The following NIF3L1 variants were observed in gnomAD, a reference collection of about 807,000 sequenced individuals.
NIF3L1 encodes NIF3-like protein 1.
In NIF3L1, 26 loss-of-function variants were observed where a neutral mutation model predicts 35.0. The observed-to-expected ratio is 0.74, with a 90% confidence interval of 0.54 to 1.03. The LOEUF (loss-of-function observed/expected upper bound fraction) is 1.03. Among genes scored for constraint, NIF3L1 ranks in the 50% least tolerant of loss-of-function variants. The pLI, the probability that NIF3L1 is intolerant of heterozygous loss-of-function variation, is 0.00. For missense variants in NIF3L1, 449 were observed against 466.3 expected (o/e 0.96, Z 0.34); for synonymous variants, 157 against 178.9 (o/e 0.88, Z 0.98).
At chr2:200,891,202 G>A (rs1222195352) in intron 1 of NIF3L1, among the ~76,000 whole-genome samples, 1 of 151,998 alleles carries the variant, frequency 6.6e-6, no homozygotes, top group Non-Finnish European at 1.5e-5. Context: ...TGATCCTCCC[G>A]CCTCGGCCTC....
chr2:200,894,516 T>G (rs1243661516), intron 3 of NIF3L1, among the ~76,000 whole-genome samples: 1 of 151,848 alleles, frequency 6.6e-6, no homozygotes, highest in Non-Finnish European at 1.5e-5. Context: ...TTCTCCTGCC[T>G]CAGCCTCCCC....
In NIF3L1 at chr2:200,903,692, A is replaced by G. The variant is rs761482235; in HGVS notation, c.*14A>G. ...CAGGTGGTATAATTGCAGAAACATC[A>G]GGATAACACATTCTACAAATCAGCT... On this transcript the variant is annotated 3_prime_UTR_variant, in exon 7 of 7. Coordinates refer to ENST00000409020, the MANE Select transcript of NIF3L1 (RefSeq NM_001369441.2). 2 of 1,604,038 alleles carry G rather than the reference A, an allele frequency of 1.2e-6. No homozygotes were observed. Among genetic ancestry groups the G allele is most frequent in the Non-Finnish European group, 1.7e-6 (2 of 1,170,842 alleles).
intron 6 of NIF3L1, among the ~76,000 whole-genome samples, chr2:200,900,088 C>G (rs1412916598): frequency 6.6e-6 from 1 of 152,136 alleles, no homozygotes; most frequent in East Asian, 1.9e-4. Context: ...TCCTTGTACT[C>G]CTAGTGATAA....
intron 3 of NIF3L1, 138 bp from the exon 4 acceptor site, chr2:200,895,126 T>G: frequency 1.3e-6 from 1 of 786,650 alleles, no homozygotes; most frequent in South Asian, 1.8e-5. Flanking sequence ...TGGATTAGTT[T>G]CAGATTAAAT....
rs1290007611 is a variant in NIF3L1, at chr2:200,899,466, C to T, written c.947C>T (p.Thr316Ile). 1 of 1,612,700 alleles carries T rather than the reference C, an allele frequency of 6.2e-7. No homozygotes were observed. Among genetic ancestry groups the T allele is most frequent in the African/African-American group, 1.3e-5 (1 of 74,850 alleles). The change falls in exon 6 of 7, where the codon ACA becomes ATA. Residue 316 changes from threonine to isoleucine, a missense_variant and splice_region_variant. Transcript: ENST00000409020. ...LQGVEADLYL[T>I]GEMSHHDTLD... is the part of the protein sequence containing the mutation. ...GGTGTTGAGGCTGACCTTTACCTCACAGGTAGGACAGACTTTGGATCTCTC... is the reference window on the plus strand; with the variant it reads ...GGTGTTGAGGCTGACCTTTACCTCATAGGTAGGACAGACTTTGGATCTCTC...
At chr2:200,893,590 A>C (rs891034720) in intron 3 of NIF3L1, among the ~76,000 whole-genome samples, 182 bp downstream of exon 3, 2 of 152,212 alleles carry the variant, frequency 1.3e-5, no homozygotes, top group Non-Finnish European at 2.9e-5. Flanking sequence ...CAAAACAATA[A>C]AAACGGTAAG....
At chr2:200,890,699 C>T (rs2040164184) in intron 1 of NIF3L1, 1 of 152,144 alleles carries the variant, frequency 6.6e-6, no homozygotes, top group African/African-American at 2.4e-5. Flanking sequence ...CATTGCCCTC[C>T]CACCTTCCCT....
Position 200,903,796 on chromosome 2 carries a change from T to G in NIF3L1, c.*118T>G. 2 of 806,032 alleles carry G rather than the reference T, an allele frequency of 2.5e-6. No individual in the cohort carries two copies. The highest frequency in any genetic ancestry group is 5.1e-5 in the East Asian group (2 of 38,952). The allele number at this position is 806,032 out of a possible 1,614,324, so 49.9% of individuals were successfully genotyped here. A position where few individuals can be genotyped will look rare whatever the true frequency, so the allele number is the denominator to read the frequency against. On this transcript the variant is annotated 3_prime_UTR_variant, in exon 7 of 7. Coordinates refer to ENST00000409020, the MANE Select transcript of NIF3L1 (RefSeq NM_001369441.2). The stretch of plus-strand genomic sequence containing the variant: ...GAGTGTCTTCGAGGGTATCATCATT[T>G]CCGGTTTGTTAATCTTATTCACCAA...
chr2:200,891,980 G>A lies in NIF3L1; in HGVS notation c.37G>A (p.Val13Ile). 3 of 1,613,904 alleles carry A rather than the reference G, an allele frequency of 1.9e-6. No homozygotes were observed. Among genetic ancestry groups the A allele is most frequent in the Non-Finnish European group, 2.5e-6 (3 of 1,179,872 alleles). The change falls in exon 2 of 7, where the codon GTC (valine) becomes ATC (isoleucine). Residue 13 changes from valine (V) to isoleucine (I), a missense_variant. By Grantham distance (29) the Val-to-Ile change is conservative. Transcript: ENST00000409020. ...SSCVRPVPTT[V>I]RFVDSLICNS... ...TTGCGTACGCCCAGTCCCCACGACA[G>A]TCCGGTTTGTAGATTCCCTGATCTG...
chr2:200,902,291 G>C (rs2040420584), intron 6 of NIF3L1, among the ~76,000 whole-genome samples: 1 of 152,214 alleles, frequency 6.6e-6, no homozygotes, highest in South Asian at 2.1e-4. Context: ...TATTAGGCTG[G>C]ACATGGTGGC....
chr2:200,902,889 G>T (rs982218236), intron 6 of NIF3L1, among the ~76,000 whole-genome samples: 1 of 152,138 alleles, frequency 6.6e-6, no homozygotes, highest in Admixed American at 6.5e-5. Context: ...TCATTTTACC[G>T]TGGAAACACT....
intron 6 of NIF3L1, among the ~76,000 whole-genome samples, chr2:200,901,346 TTC>T (rs1405655375): frequency 6.6e-6 from 1 of 152,228 alleles, no homozygotes; most frequent in Non-Finnish European, 1.5e-5. Flanking sequence ...TGTTTTGTGC[TTC>T]TCTCTCAATT....
rs1195979504 is a variant in NIF3L1, at chr2:200,899,412, G to T, written c.893G>T (p.Cys298Phe). Residue 298 changes from cysteine (C) to phenylalanine (F), a missense_variant, in exon 6 of 7, where the codon TGT (cysteine) becomes TTT (phenylalanine). Coordinates refer to ENST00000409020, the MANE Select transcript of NIF3L1 (RefSeq NM_001369441.2). ...TCTCAAGTCAAAGTCGTGGCCCTGT[G>T]TGCTGGTTCTGGGAGCAGCGTTCTG... is the stretch of plus-strand genomic sequence containing the variant. ...LESQVKVVAL[C>F]AGSGSSVLQG... is the part of the protein sequence containing the mutation. The T allele has an allele frequency of 6.2e-7, 1 of 1,613,974 alleles. No individual in the cohort carries two copies. Among genetic ancestry groups the T allele is most frequent in the African/African-American group, 1.3e-5 (1 of 74,900 alleles).
At position 200,896,012 on chromosome 2, in the gene NIF3L1, C is replaced by T. The variant is rs548385798; in HGVS notation, c.726+622C>T. On this transcript the variant is annotated intron_variant, in intron 4 of 6. Coordinates refer to ENST00000409020, the MANE Select transcript of NIF3L1 (RefSeq NM_001369441.2). ...TTTTCCATATTTCATATTTCAGTAT[C>T]ATTATCTACTTTAGTTTCCAAGTTT... Among the ~76,000 whole-genome samples, 22 of 149,652 alleles carry T rather than the reference C, an allele frequency of 1.5e-4. No individual in the cohort carries two copies. In the South Asian group the frequency reaches 1.5e-3, roughly 10 times the overall value.
intron 3 of NIF3L1, among the ~76,000 whole-genome samples, chr2:200,894,173 C>CAAA (rs548333663): frequency 6.0e-5 from 4 of 66,504 alleles, no homozygotes; most frequent in African/African-American, 1.6e-4. Flanking sequence ...GACTCTGTCT[C>CAAA]AAAAAAAAAA....
chr2:200,901,057 A>G (rs76392095), intron 6 of NIF3L1, among the ~76,000 whole-genome samples: 4,245 of 152,292 alleles, frequency 0.028, 86 homozygotes, highest in Middle Eastern at 0.051. Flanking sequence ...CAATTTCTTT[A>G]CCTCTCAATA....
intron 1 of NIF3L1, 97 bp from the exon 2 acceptor site, chr2:200,891,821 T>C (rs2040196973): frequency 2.8e-6 from 2 of 719,996 alleles, no homozygotes; most frequent in Non-Finnish European, 4.6e-6. Flanking sequence ...TGAACCCAGA[T>C]CTCTATGACG....
chr2:200,898,007 GTA>G (rs2040346968), intron 5 of NIF3L1, among the ~76,000 whole-genome samples: 1 of 152,184 alleles, frequency 6.6e-6, no homozygotes, highest in Non-Finnish European at 1.5e-5. Flanking sequence ...AGCCTCATCT[GTA>G]AAAACTGCAT....
chr2:200,890,578 T>C (rs1012051971), intron 1 of NIF3L1: 6 of 152,360 alleles, frequency 3.9e-5, no homozygotes, highest in African/African-American at 1.4e-4. Flanking sequence ...AAAAAGTGTT[T>C]ATAAGTGGTA....
Sources: gnomAD v4.1 joint callset for allele counts (sites outside exome capture counted in the v4.1 genomes callset) on GRCh38, gnomAD v4.1.1 for gene constraint, MANE v1.5 for transcripts, NCBI Gene and HGNC (gene_info 2026-07-23, HGNC 2026-07-21) for gene names.